GLMN: variants seen among roughly 807,000 people sequenced by gnomAD.
The protein encoded by GLMN is glomulin, FKBP associated protein.
A neutral mutation model predicts 87.8 loss-of-function variants in GLMN; 75 were observed. The ratio of observed to expected loss-of-function variants is 0.85; its 90% confidence interval spans 0.71 to 1.04. GLMN has a LOEUF of 1.04. GLMN is among the 50% of genes least tolerant of loss of function. GLMN has a pLI of 0.00. For synonymous variants in GLMN, 206 were observed against 221.6 expected (o/e 0.93, Z 0.63); for missense variants, 588 against 658.8 (o/e 0.89, Z 1.18).
the GLMN span, chr1:92,324,123 T>C: frequency 6.2e-7 from 1 of 1,614,132 alleles, no homozygotes; most frequent in Non-Finnish European, 8.5e-7. Context: ...CCGAAGCCTC[T>C]CTGGTTAAAG....
At chr1:92,269,961 G>T (rs976742534) in intron 8 of GLMN, among the ~76,000 whole-genome samples, 185 bp from the exon 9 acceptor site, 2 of 152,152 alleles carry the variant, frequency 1.3e-5, no homozygotes, top group Non-Finnish European at 2.9e-5. Flanking sequence ...TTTAAAATGA[G>T]ATTATTAGGG....
the GLMN span, among the ~76,000 whole-genome samples, chr1:92,339,007 A>G: frequency 5.9e-5 from 9 of 152,192 alleles, no homozygotes; most frequent in African/African-American, 2.2e-4. Context: ...TGCTGTACAT[A>G]TCAGAAAAGA....
intron 16 of GLMN, among the ~76,000 whole-genome samples, chr1:92,256,068 A>G (rs1442478583): frequency 6.6e-6 from 1 of 152,208 alleles, no homozygotes; most frequent in East Asian, 1.9e-4. Flanking sequence ...TAAAGGGTAT[A>G]TCACCACTGA....
intron 6 of GLMN, among the ~76,000 whole-genome samples, 158 bp from the exon 7 acceptor site, chr1:92,286,750 A>C (rs767631395): frequency 6.6e-6 from 1 of 152,234 alleles, no homozygotes; most frequent in Non-Finnish European, 1.5e-5. Flanking sequence ...TTTAACTGCC[A>C]TAAGGAGGTG....
intron 8 of GLMN, 27 bp downstream of exon 8, chr1:92,271,438 A>G (rs1165085101): frequency 6.4e-7 from 1 of 1,555,870 alleles, no homozygotes; most frequent in Non-Finnish European, 8.9e-7. Context: ...TTTAGAATAC[A>G]TGAATAAACC....
At chr1:92,266,278 G>A (rs1655622069) in intron 13 of GLMN, 141 bp downstream of exon 13, 2 of 692,158 alleles carry the variant, frequency 2.9e-6, no homozygotes, top group African/African-American at 3.5e-5. Context: ...AGCCATCACT[G>A]AGAATTTATA....
intron 3 of GLMN, among the ~76,000 whole-genome samples, chr1:92,296,877 A>T (rs535201330): frequency 6.6e-6 from 1 of 152,334 alleles, no homozygotes; most frequent in African/African-American, 2.4e-5. Flanking sequence ...TGGCTGGAGG[A>T]GAATGGGCTG....
the GLMN span, among the ~76,000 whole-genome samples, chr1:92,311,396 A>C: frequency 6.6e-6 from 1 of 152,348 alleles, no homozygotes; most frequent in Non-Finnish European, 1.5e-5. Flanking sequence ...GACTAGAGAA[A>C]CTTATACTAC....
intron 7 of GLMN, among the ~76,000 whole-genome samples, chr1:92,275,208 T>A (rs948447968): frequency 5.9e-5 from 9 of 152,188 alleles, no homozygotes; most frequent in Admixed American, 5.2e-4. Flanking sequence ...TAAGCCCTTT[T>A]ACTCAATGCC....
chr1:92,305,392 C>G, the GLMN span, among the ~76,000 whole-genome samples: 1 of 126,386 alleles, frequency 7.9e-6, no homozygotes, highest in Middle Eastern at 4.5e-3. Context: ...GAGATCGCAC[C>G]ACTGCATTCC....
chr1:92,267,771 T>C lies in GLMN; in HGVS notation c.1098+142A>G, dbSNP rs573721300. On this transcript the variant is annotated intron_variant, in intron 11 of 18. Coordinates refer to ENST00000370360, the MANE Select transcript of GLMN (RefSeq NM_053274.3). ...AGTTTGGCTAGTGGCTTTCATATTG[T>C]CAAAGTTCTACTGGACAGCATTACA... is the stretch of plus-strand genomic sequence containing the variant. 87 of 649,126 alleles carry C rather than the reference T, an allele frequency of 1.3e-4. No homozygotes were observed. In the South Asian group the frequency reaches 1.6e-3, roughly 12 times the overall value. 40.2% of individuals were successfully genotyped at this position (649,126 alleles called of 1,614,324 possible).
the GLMN span, among the ~76,000 whole-genome samples, chr1:92,325,461 C>T: frequency 1.3e-5 from 2 of 152,092 alleles, no homozygotes; most frequent in African/African-American, 4.8e-5. Flanking sequence ...CACTGAGCTG[C>T]ATAAACCTAC....
chr1:92,294,681 TTTGTTG>T (rs956291366), intron 3 of GLMN, among the ~76,000 whole-genome samples: 4 of 152,022 alleles, frequency 2.6e-5, no homozygotes, highest in African/African-American at 7.2e-5. Context: ...TAGTCAGTTT[TTTGTTG>T]TTGTTGTTGT....
At chr1:92,333,330 T>G in the GLMN span, 1 of 1,326,796 alleles carries the variant, frequency 7.5e-7, no homozygotes, top group South Asian at 1.2e-5. Flanking sequence ...ATTGTTCTGC[T>G]TATCAAAGAA....
At chr1:92,321,540 T>C in the GLMN span, among the ~76,000 whole-genome samples, 1 of 152,142 alleles carries the variant, frequency 6.6e-6, no homozygotes, top group Non-Finnish European at 1.5e-5. Flanking sequence ...TCCTGATCTT[T>C]TAAAGTTTTG....
At chr1:92,363,494 T>TAACA in the GLMN span, among the ~76,000 whole-genome samples, 1 of 152,184 alleles carries the variant, frequency 6.6e-6, no homozygotes, top group African/African-American at 2.4e-5. Flanking sequence ...ACATCATGCC[T>TAACA]AACAACTTCA....
At chr1:92,277,856 A>T (rs1332443935) in intron 7 of GLMN, among the ~76,000 whole-genome samples, 3 of 152,120 alleles carry the variant, frequency 2.0e-5, no homozygotes, top group Non-Finnish European at 2.9e-5. Context: ...TGAGTTCTGT[A>T]AGCCAATCTA....
At chr1:92,340,379 T>C in the GLMN span, among the ~76,000 whole-genome samples, 1 of 152,208 alleles carries the variant, frequency 6.6e-6, no homozygotes, top group Non-Finnish European at 1.5e-5. Flanking sequence ...CAGGTGAAGC[T>C]TCTGGAAAAA....
intron 16 of GLMN, among the ~76,000 whole-genome samples, chr1:92,251,318 T>C (rs1002416749): frequency 1.3e-5 from 2 of 152,152 alleles, no homozygotes; most frequent in African/African-American, 2.4e-5. Context: ...CCCATACTTA[T>C]AAAATGATTT....
Sources: allele counts gnomAD v4.1 joint callset (sites outside exome capture counted in the v4.1 genomes callset), GRCh38; gene constraint gnomAD v4.1.1; transcripts MANE v1.5; gene names NCBI Gene and HGNC (gene_info 2026-07-23, HGNC 2026-07-21).